The following BEST1 variants were observed in gnomAD, a reference collection of about 807,000 sequenced individuals.
BEST1 encodes bestrophin-1.
BEST1 carries 58 observed loss-of-function variants against 63.3 expected under a neutral mutation model. The ratio of observed to expected loss-of-function variants is 0.92; its 90% CI spans 0.74 to 1.14. The LOEUF is 1.14. BEST1 is among the 50% of genes most tolerant of loss of function. The pLI is 0.00. For synonymous variants in BEST1, 283 were observed against 291.6 expected (o/e 0.97, Z 0.30); for missense variants, 671 against 740.1 (o/e 0.91, Z 1.08).
At chr11:61,964,878 A>G, downstream of BEST1, 1 of 1,607,236 alleles carries the variant, frequency 6.2e-7, no homozygotes, top group Non-Finnish European at 8.5e-7. Flanking sequence ...ATGTGTCTCA[A>G]TGAAGTCACA....
At chr11:61,952,047 C>A in intron 2 of BEST1, 89 bp downstream of exon 2, 1 of 1,465,388 alleles carries the variant, frequency 6.8e-7, no homozygotes, top group Non-Finnish European at 9.4e-7. Flanking sequence ...GCTCAGGGGC[C>A]AGTGTACCAG....
chr11:61,959,716 C>T, intron 8 of BEST1, 138 bp downstream of exon 8: 1 of 1,296,310 alleles, frequency 7.7e-7, no homozygotes, highest in Non-Finnish European at 1.1e-6. Context: ...CAGTCATTCA[C>T]TCACAGGATT....
intron 3 of BEST1, 80 bp from the exon 4 acceptor site, chr11:61,955,638 G>A (rs1343785448): frequency 1.4e-6 from 2 of 1,423,114 alleles, no homozygotes; most frequent in East Asian, 2.5e-5. Flanking sequence ...TGGAGGAGCC[G>A]AGGCATCGCC....
chr11:61,955,015 C>A, intron 2 of BEST1, 92 bp from the exon 3 acceptor site: 4 of 1,574,270 alleles, frequency 2.5e-6, no homozygotes, highest in Non-Finnish European at 3.4e-6. Context: ...CGAGGCAGTC[C>A]CACTCCTACC....
At chr11:61,963,164 G>C (rs1381948748) in intron 10 of BEST1, 9 of 1,445,004 alleles carry the variant, frequency 6.2e-6, no homozygotes, top group African/African-American at 1.4e-5. Context: ...GTGCTGACCA[G>C]AATGCTGCTG....
rs372868339 is a variant in BEST1 at position 61,963,116 on chromosome 11, G to A, written c.1739+223G>A. 20 of 1,460,422 alleles carry A rather than the reference G, an allele frequency of 1.4e-5. No individual in the cohort carries two copies. The highest frequency in any genetic ancestry group is 2.5e-5 in the East Asian group (1 of 40,316). 90.5% of individuals were successfully genotyped at this position (1,460,422 alleles called of 1,614,324 possible). The stretch of plus-strand genomic sequence containing the variant: ...TTCTCACTTCACCCTGGTATCACCC[G>A]GAAGACTTCTTGGGACCAGGTGAAG... On this transcript the variant is annotated intron_variant, in intron 10 of 10. Transcript: ENST00000378043.
At chr11:61,956,056 G>A in intron 4 of BEST1, 105 bp downstream of exon 4, 2 of 1,157,378 alleles carry the variant, frequency 1.7e-6, no homozygotes, top group African/African-American at 3.1e-5. Flanking sequence ...CGGACTCGGG[G>A]GATTGGGTGG....
At chr11:61,955,542 G>A in intron 3 of BEST1, 176 bp from the exon 4 acceptor site, 1 of 995,462 alleles carries the variant, frequency 1.0e-6, no homozygotes, top group Non-Finnish European at 1.4e-6. Context: ...TGGGGCTCTC[G>A]CGCCTCCATG....
chr11:61,963,660 G>A (rs1942305592), intron 10 of BEST1: 1 of 1,056,606 alleles, frequency 9.5e-7, no homozygotes. Flanking sequence ...AACTTAAAAG[G>A]GCAACAATTT....
chr11:61,952,582 T>G (rs1940823997), intron 2 of BEST1, among the ~76,000 whole-genome samples: 1 of 150,636 alleles, frequency 6.6e-6, no homozygotes, highest in African/African-American at 2.4e-5. Context: ...TTCTCCTGCC[T>G]TAGCCTCCTG....
intron 9 of BEST1, 115 bp from the exon 10 acceptor site, chr11:61,962,140 G>T: frequency 4.7e-6 from 5 of 1,072,570 alleles, no homozygotes; most frequent in Non-Finnish European, 7.1e-6. Flanking sequence ...TGAGGAAGAC[G>T]GTGTGGCCTT....
chr11:61,964,017 A>G, intron 10 of BEST1, 87 bp from the exon 11 acceptor site: 2 of 1,592,230 alleles, frequency 1.3e-6, no homozygotes, highest in Non-Finnish European at 1.7e-6. Flanking sequence ...GGATCGTCTC[A>G]ACCTTTGCCC....
intron 9 of BEST1, chr11:61,960,776 C>T (rs969582437): frequency 6.5e-6 from 1 of 154,116 alleles, no homozygotes; most frequent in African/African-American, 2.4e-5. Context: ...CCTGAATTGA[C>T]TTTGTCCTAC....
chr11:61,955,005 C>A (rs547271896), intron 2 of BEST1, 102 bp from the exon 3 acceptor site: 17 of 1,556,396 alleles, frequency 1.1e-5, no homozygotes, highest in Non-Finnish European at 1.1e-5. Flanking sequence ...GGGATAGCAT[C>A]GAGGCAGTCC....
intron 3 of BEST1, 53 bp downstream of exon 3, chr11:61,955,254 A>G: frequency 6.2e-7 from 1 of 1,610,464 alleles, no homozygotes; most frequent in Non-Finnish European, 8.5e-7. Flanking sequence ...CAGGCTCCAG[A>G]CAGGCCAGGG....
intron 1 of BEST1, 27 bp from the exon 2 acceptor site, chr11:61,951,744 C>T (rs1940679237): frequency 1.9e-6 from 3 of 1,600,326 alleles, no homozygotes; most frequent in South Asian, 1.1e-5. Context: ...TCCCTACAAA[C>T]CCCCAATCGG....
intron 2 of BEST1, 105 bp from the exon 3 acceptor site, chr11:61,955,002 C>T (rs1010620877): frequency 2.1e-5 from 32 of 1,551,356 alleles, no homozygotes; most frequent in Non-Finnish European, 2.7e-5. Context: ...TGTGGGATAG[C>T]ATCGAGGCAG....
Position 61,955,771 on chromosome 11 carries a change from C to A in BEST1, c.301C>A (p.Pro101Thr), listed in dbSNP as rs281865229. The change falls in exon 4 of 11, where the codon CCG becomes ACG. Residue 101 changes from proline to threonine, a missense_variant. By Grantham distance (38) the Pro-to-Thr change is conservative. Transcript: ENST00000378043. ...TRWWNQYENL[P>T]WPDRLMSLVS... is the part of the protein sequence containing the mutation. ...CTGGTGGAACCAGTACGAGAACCTG[C>A]CGTGGCCCGACCGCCTCATGAGCCT... The A allele has an allele frequency of 1.3e-6, 2 of 1,549,562 alleles. No individual in the cohort carries two copies. Among genetic ancestry groups the A allele is most frequent in the Non-Finnish European group, 1.7e-6 (2 of 1,146,920 alleles).
chr11:61,950,251 G>A (rs1940509730), upstream of BEST1: 1 of 152,796 alleles, frequency 6.5e-6, no homozygotes, highest in African/African-American at 2.4e-5. Flanking sequence ...ACTAAGACAA[G>A]GACTCCTTTG....
Sources: gnomAD v4.1 joint callset for allele counts (sites outside exome capture counted in the v4.1 genomes callset) on GRCh38, gnomAD v4.1.1 for gene constraint, MANE v1.5 for transcripts, NCBI Gene and HGNC (gene_info 2026-07-23, HGNC 2026-07-21) for gene names.